ELFN2: variants seen among roughly 807,000 people sequenced by gnomAD.
ELFN2 encodes the protein extracellular leucine rich repeat and fibronectin type III domain containing 2.
ELFN2 carries 17 observed loss-of-function variants against 45.5 expected under a neutral mutation model. The observed-to-expected ratio is 0.37, with a 90% CI of 0.26 to 0.56. The LOEUF (loss-of-function observed/expected upper bound fraction) is 0.56, where lower values mean the gene tolerates loss of function less well. ELFN2 is among the 20% of genes least tolerant of loss of function. ELFN2 has a pLI of 0.77. For missense variants in ELFN2, 922 were observed against 1,183.2 expected (o/e 0.78, Z 3.24); for synonymous variants, 550 against 551.5 (o/e 1.00, Z 0.04).
intron 1 of ELFN2, among the ~76,000 whole-genome samples, chr22:37,357,030 C>T (rs1930967356): frequency 6.6e-6 from 1 of 152,182 alleles, no homozygotes; most frequent in Non-Finnish European, 1.5e-5. Flanking sequence ...CTAGAGCTGG[C>T]ATGTCAGCTC....
In ELFN2 at chr22:37,373,595, A is replaced by C; in HGVS notation, c.1940T>G (p.Val647Gly). Residue 647 changes from valine (V) to glycine (G), a missense_variant, in exon 3 of 3, where the codon GTG (valine) becomes GGG (glycine). By Grantham distance (109) the Val-to-Gly change is moderately radical. Coordinates refer to ENST00000402918, the MANE Select transcript of ELFN2 (RefSeq NM_052906.5). The stretch of plus-strand genomic sequence containing the variant: ...CCCTGTGGCGGCCGGATGGTCGGGC[A>C]CGTCCAGGCTAAAGACCTTGGCGCT... ...IKSAKVFSLD[V>G]PDHPAATGLA... 6.2e-7 allele frequency: 1 copy of C among 1,608,014 alleles called. No homozygotes were observed. The highest frequency in any genetic ancestry group is 8.5e-7 in the Non-Finnish European group (1 of 1,178,334).
chr22:37,373,493 G>C lies in ELFN2; in HGVS notation c.2042C>G (p.Pro681Arg), dbSNP rs750281373. The change falls in exon 3 of 3, where the codon CCG becomes CGG. Residue 681 changes from proline to arginine, a missense_variant. Physicochemically the swap from Pro to Arg is moderately radical, Grantham distance 103. Coordinates refer to ENST00000402918, the MANE Select transcript of ELFN2 (RefSeq NM_052906.5). ...NSPLDRLPLV[P>R]AGSGGGSGGG... is the part of the protein sequence containing the mutation. The stretch of plus-strand genomic sequence containing the variant: ...GCCGCTGCCCCCGCCGCTGCCCGCC[G>C]GCACCAGCGGGAGCCGGTCCAGCGG... 4 of 1,543,326 alleles carry C rather than the reference G, an allele frequency of 2.6e-6. No homozygotes were observed. Among genetic ancestry groups the C allele is most frequent in the Admixed American group, 2.0e-5 (1 of 50,772 alleles).
chr22:37,420,483 AT>A (rs1932802107), intron 1 of ELFN2: 1 of 153,194 alleles, frequency 6.5e-6, no homozygotes, highest in Non-Finnish European at 1.5e-5. Context: ...CTCTGCTCAC[AT>A]GCACAGCCGC....
At chr22:37,403,576 G>A (rs1410919011) in intron 2 of ELFN2, among the ~76,000 whole-genome samples, 1 of 152,220 alleles carries the variant, frequency 6.6e-6, no homozygotes, top group East Asian at 1.9e-4. Flanking sequence ...AGAAGCGAGA[G>A]GGCCTGGGAG....
intron 2 of ELFN2, among the ~76,000 whole-genome samples, chr22:37,397,318 A>G (rs909524063): frequency 2.7e-4 from 41 of 152,334 alleles, no homozygotes; most frequent in African/African-American, 8.7e-4. Context: ...GTGAAAATTG[A>G]AAACACAAAA....
At chr22:37,377,573 G>A (rs147104954) in intron 2 of ELFN2, among the ~76,000 whole-genome samples, 20 of 152,378 alleles carry the variant, frequency 1.3e-4, no homozygotes, top group Middle Eastern at 3.4e-3. Flanking sequence ...AGGGAAATGG[G>A]TGAGGGGTCG....
chr22:37,423,610 C>G (rs1019261495), intron 1 of ELFN2, among the ~76,000 whole-genome samples: 1 of 152,176 alleles, frequency 6.6e-6, no homozygotes, highest in African/African-American at 2.4e-5. Context: ...TAAACGAATG[C>G]CGCCCATAAA....
intron 2 of ELFN2, among the ~76,000 whole-genome samples, chr22:37,407,867 C>T (rs983271307): frequency 6.6e-6 from 1 of 151,842 alleles, no homozygotes; most frequent in Non-Finnish European, 1.5e-5. Context: ...TACACTCCAG[C>T]CTGGGGGACA....
chr22:37,403,621 T>C (rs1035410260), intron 2 of ELFN2, among the ~76,000 whole-genome samples: 1 of 152,060 alleles, frequency 6.6e-6, no homozygotes, highest in African/African-American at 2.4e-5. Context: ...GGGCTGACAT[T>C]CGCCCCAAAT....
intron 2 of ELFN2, among the ~76,000 whole-genome samples, chr22:37,400,906 G>A (rs960396957): frequency 9.9e-5 from 15 of 152,240 alleles, no homozygotes; most frequent in African/African-American, 3.4e-4. Flanking sequence ...CCTAAGTGGC[G>A]AAAACGGTCA....
At position 37,359,615 on chromosome 22, in the gene ELFN2, G is replaced by A. The variant is rs1054559769; in HGVS notation, n.149-16912C>T. Among the ~76,000 whole-genome samples the A allele has an allele frequency of 5.3e-5, 8 of 152,356 alleles. No individual in the cohort carries two copies. In the East Asian group the frequency reaches 7.7e-4, roughly 15 times the overall value. ...GGCTTCCGTGCCTCGATACAGCTAC[G>A]TGAAGCAGGAGTAGCTCAATCCATT... On this transcript the variant is annotated intron_variant and non_coding_transcript_variant, in intron 1 of 2. Transcript: ENST00000452946.
chr22:37,348,716 GC>G (rs1334167971), intron 1 of ELFN2, among the ~76,000 whole-genome samples: 1 of 150,912 alleles, frequency 6.6e-6, no homozygotes, highest in East Asian at 1.9e-4. Flanking sequence ...AGCTCCCGGG[GC>G]CCACCAATCT....
intron 1 of ELFN2, among the ~76,000 whole-genome samples, chr22:37,348,308 A>C (rs1350216420): frequency 6.6e-6 from 1 of 152,226 alleles, no homozygotes; most frequent in Non-Finnish European, 1.5e-5. Flanking sequence ...TGCAGAGAGC[A>C]AGAACAGGGC....
intron 1 of ELFN2, chr22:37,342,733 A>G (rs1472751304): frequency 6.8e-6 from 1 of 147,826 alleles, no homozygotes; most frequent in African/African-American, 2.5e-5. Context: ...TGAACCTTTC[A>G]TCAGAGCCAG....
chr22:37,396,968 CG>C lies in ELFN2; in HGVS notation c.-463+20800del, dbSNP rs1244464381. 4.6e-5 allele frequency among the ~76,000 whole-genome samples: 7 copies of C among 152,132 alleles called. No homozygotes were observed. The East Asian group carries it at 1.3e-3, about 29-fold the overall frequency. On this transcript the variant is annotated intron_variant, in intron 2 of 2. Coordinates refer to ENST00000402918, the MANE Select transcript of ELFN2 (RefSeq NM_052906.5). ...TTTTTTCCAGGCAGAGGGAGGCTTCCGGAGGGCAGCTCTGATGCTGTCTCTC... is the reference window on the plus strand; with the variant it reads ...TTTTTTCCAGGCAGAGGGAGGCTTCCGAGGGCAGCTCTGATGCTGTCTCTC...
At chr22:37,360,210 C>T (rs1378558955) in intron 1 of ELFN2, among the ~76,000 whole-genome samples, 1 of 152,190 alleles carries the variant, frequency 6.6e-6, no homozygotes, top group Non-Finnish European at 1.5e-5. Context: ...AGTTCATAGT[C>T]TGGCCTGGGG....
intron 2 of ELFN2, among the ~76,000 whole-genome samples, chr22:37,400,613 C>T (rs554810864): frequency 4.5e-4 from 68 of 152,332 alleles, no homozygotes; most frequent in Non-Finnish European, 7.8e-4. Context: ...GCCCCCTCAG[C>T]CTCCCCACCC....
chr22:37,416,419 G>A (rs1932760063), intron 2 of ELFN2, among the ~76,000 whole-genome samples: 1 of 152,228 alleles, frequency 6.6e-6, no homozygotes, highest in Non-Finnish European at 1.5e-5. Context: ...GTCCCCCAGA[G>A]AACGGCACTG....
At chr22:37,414,010 C>T (rs781684082) in intron 2 of ELFN2, among the ~76,000 whole-genome samples, 1 of 152,216 alleles carries the variant, frequency 6.6e-6, no homozygotes, top group Non-Finnish European at 1.5e-5. Context: ...ACCCGGCCTC[C>T]CTGGCCTCAC....
Sources: gnomAD v4.1 joint callset for allele counts (sites outside exome capture counted in the v4.1 genomes callset) on GRCh38, gnomAD v4.1.1 for gene constraint, MANE v1.5 for transcripts, NCBI Gene and HGNC (gene_info 2026-07-23, HGNC 2026-07-21) for gene names.